The following FAM135B variants were observed in gnomAD, a reference collection of about 807,000 sequenced individuals.
FAM135B encodes protein FAM135B.
Under a neutral mutation model 127.7 loss-of-function variants are expected in FAM135B, and 43 were observed. The observed-to-expected ratio is 0.34, with a 90% CI of 0.26 to 0.43. The LOEUF is 0.43. FAM135B is among the 20% of genes least tolerant of loss of function. The pLI is 1.00. For missense variants in FAM135B, 1,558 were observed against 1,725.6 expected (o/e 0.90, Z 1.72); for synonymous variants, 670 against 665.1 (o/e 1.01, Z -0.11).
chr8:138,490,220 T>C (rs752211509), intron 1 of FAM135B, among the ~76,000 whole-genome samples: 6 of 152,134 alleles, frequency 3.9e-5, no homozygotes, highest in Non-Finnish European at 8.8e-5. Flanking sequence ...AACCCTAGAG[T>C]ACCTGTATTC....
intron 7 of FAM135B, among the ~76,000 whole-genome samples, chr8:138,212,952 T>C (rs1563776458): frequency 6.6e-6 from 1 of 152,236 alleles, no homozygotes; most frequent in Non-Finnish European, 1.5e-5. Flanking sequence ...AAAAAATTAC[T>C]AGTCTCCAAT....
chr8:138,354,172 A>G (rs535953857), intron 2 of FAM135B, among the ~76,000 whole-genome samples: 17 of 152,118 alleles, frequency 1.1e-4, no homozygotes, highest in Non-Finnish European at 2.1e-4. Context: ...TACACATACA[A>G]TCAAGCAACT....
intron 1 of FAM135B, among the ~76,000 whole-genome samples, chr8:138,422,658 G>C (rs1834581427): frequency 6.6e-6 from 1 of 152,066 alleles, no homozygotes; most frequent in South Asian, 2.1e-4. Flanking sequence ...ATATAAGTTA[G>C]TTCAGCCACT....
At chr8:138,309,058 A>G (rs1216911068) in intron 3 of FAM135B, 1 of 436,738 alleles carries the variant, frequency 2.3e-6, no homozygotes, top group Non-Finnish European at 4.5e-6. Flanking sequence ...TGTCCTTTTT[A>G]TTTATAATTT....
At chr8:138,294,615 G>A (rs1202096120) in intron 3 of FAM135B, among the ~76,000 whole-genome samples, 2 of 151,938 alleles carry the variant, frequency 1.3e-5, no homozygotes, top group African/African-American at 4.8e-5. Flanking sequence ...TAATTTAAAA[G>A]GTTTAGCTCT....
At chr8:138,155,411 C>T (rs1220145685) in intron 12 of FAM135B, among the ~76,000 whole-genome samples, 1 of 152,164 alleles carries the variant, frequency 6.6e-6, no homozygotes, top group East Asian at 1.9e-4. Flanking sequence ...AACCAGCTAA[C>T]ATCATAATGA....
chr8:138,367,128 C>T (rs369031547), intron 2 of FAM135B, among the ~76,000 whole-genome samples: 2 of 152,134 alleles, frequency 1.3e-5, no homozygotes, highest in African/African-American at 4.8e-5. Context: ...TAGAAAAGTT[C>T]GTTATGCAAC....
At chr8:138,251,081 C>T in intron 5 of FAM135B, 67 bp from the exon 6 acceptor site, 1 of 1,577,722 alleles carries the variant, frequency 6.3e-7, no homozygotes. Flanking sequence ...CCTAGCATGT[C>T]TGTATTAAGC....
intron 1 of FAM135B, among the ~76,000 whole-genome samples, chr8:138,442,137 A>G (rs1157322641): frequency 1.3e-5 from 2 of 150,100 alleles, no homozygotes; most frequent in African/African-American, 4.9e-5. Context: ...CTATTACATA[A>G]TCTGTCCAAG....
chr8:138,444,706 T>A (rs1836007195), intron 1 of FAM135B, among the ~76,000 whole-genome samples: 2 of 151,860 alleles, frequency 1.3e-5, no homozygotes, highest in South Asian at 4.2e-4. Context: ...GCAGGAAAGA[T>A]CTAAAATTGA....
rs369337038 is a variant in FAM135B at position 138,132,876 on chromosome 8, T to C, written c.4016-78A>G. On this transcript the variant is annotated intron_variant, in intron 19 of 19. Transcript: ENST00000395297. This position sits in a 1 kb window ranked among gnomAD's most constrained non-coding sequence, Gnocchi z 4.5. ...TCTAGAGAACATCACTAGATGTGTG[T>C]CGAAATTCTGTTCCTGGGCAGACCT... 1.0e-4 allele frequency: 139 copies of C among 1,332,606 alleles called. 1 individual carries two copies. The highest frequency in any genetic ancestry group is 8.3e-4 in the East Asian group (36 of 43,360). The allele number at this position is 1,332,606 out of a possible 1,614,324, so 82.5% of individuals were successfully genotyped here. A position where few individuals can be genotyped will look rare whatever the true frequency, so the allele number is the denominator to read the frequency against.
intron 1 of FAM135B, among the ~76,000 whole-genome samples, chr8:138,403,150 G>T (rs547409317): frequency 2.0e-4 from 30 of 152,138 alleles, no homozygotes; most frequent in African/African-American, 6.8e-4. Context: ...GAACTAAAAT[G>T]AGAAAATATT....
rs144218276 is a variant in FAM135B at position 138,433,523 on chromosome 8, CAATAAATAAATAAATAAATA to C, written c.-20+63128_-20+63147del. Among the ~76,000 whole-genome samples, 726 of 140,722 alleles carry C rather than the reference CAATAAATAAATAAATAAATA, an allele frequency of 5.2e-3. 4 individuals are homozygous for C. The highest frequency in any genetic ancestry group is 0.018 in the African/African-American group (688 of 38,088). The allele number at this position is 140,722 out of a possible 152,430, so 92.3% of individuals were successfully genotyped here. On this transcript the variant is annotated intron_variant, in intron 1 of 19. Transcript: ENST00000395297. ...TGGATGACAGAGCAAGATTCTGTCT[CAATAAATAAATAAATAAATA>C]AATAAATAAATAAATAAATAAATAA...
chr8:138,468,193 G>A (rs1018767532), intron 1 of FAM135B, among the ~76,000 whole-genome samples: 1 of 152,162 alleles, frequency 6.6e-6, no homozygotes, highest in African/African-American at 2.4e-5. Context: ...AATTTACAGA[G>A]CCTGACATGT....
At chr8:138,139,639 A>T (rs188729339) in intron 17 of FAM135B, among the ~76,000 whole-genome samples, 574 of 152,246 alleles carry the variant, frequency 3.8e-3, no homozygotes, top group African/African-American at 0.013. Flanking sequence ...GGTGGCAGGC[A>T]CCTGTAATCC....
At chr8:138,177,292 G>T in intron 11 of FAM135B, 55 bp downstream of exon 11, 1 of 1,518,448 alleles carries the variant, frequency 6.6e-7, no homozygotes, top group Non-Finnish European at 9.1e-7. Flanking sequence ...ACTTTGAACA[G>T]CATGTCTTGG....
At position 138,197,644 on chromosome 8, in the gene FAM135B, T is replaced by A. The variant is rs1217229743; in HGVS notation, c.695A>T (p.Asn232Ile). ...CCACTTGTGTGCGTGCTGCATGCAG[T>A]TCTCAGAGGTGATGTAGAAGCTTCC... ...SEGSFYITSE[N>I]CMQHAHKWHR... Residue 232 changes from asparagine to isoleucine, a missense_variant, in exon 8 of 20, where the codon AAC becomes ATC. Around this residue, in one of 5 missense-constraint regions of FAM135B, gnomAD observed 127 missense variants for 109.7 expected, o/e 1.16. Transcript: ENST00000395297. 3 of 1,614,046 alleles carry A rather than the reference T, an allele frequency of 1.9e-6. No individual in the cohort carries two copies. The highest frequency in any genetic ancestry group is 2.2e-5 in the South Asian group (2 of 91,070).
chr8:138,337,057 AC>A (rs1177218047), intron 2 of FAM135B, among the ~76,000 whole-genome samples: 13 of 151,990 alleles, frequency 8.6e-5, no homozygotes, highest in South Asian at 2.1e-4. Flanking sequence ...AAATTCAACA[AC>A]CCTTCATGCT....
At chr8:138,427,602 T>C (rs1428444123) in intron 1 of FAM135B, among the ~76,000 whole-genome samples, 1 of 151,966 alleles carries the variant, frequency 6.6e-6, no homozygotes, top group East Asian at 1.9e-4. Context: ...GGTCAGTGAG[T>C]GAGTAAACGT....
Sources: gnomAD v4.1 joint callset for allele counts (sites outside exome capture counted in the v4.1 genomes callset) on GRCh38, gnomAD v4.1.1 for gene constraint, gnomAD v4.1.1 regional missense constraint, Gnocchi (gnomAD v3.1) non-coding constraint, MANE v1.5 for transcripts, NCBI Gene and HGNC (gene_info 2026-07-23, HGNC 2026-07-21) for gene names.